The following N4BP2L2 variants were observed in gnomAD, a reference collection of about 807,000 sequenced individuals.
N4BP2L2 encodes NEDD4 binding protein 2 like 2.
N4BP2L2 carries 50 observed loss-of-function variants against 56.2 expected under a neutral mutation model. That is an observed-to-expected ratio of 0.89 (90% CI 0.71 to 1.13). The LOEUF (loss-of-function observed/expected upper bound fraction) is 1.13. Ranked by LOEUF, N4BP2L2 falls within the 50% of genes most tolerant of loss-of-function variation. The probability of loss-of-function intolerance (pLI) is 0.00; values close to 1 mark genes in which losing one functional copy is unlikely to be tolerated. For missense variants in N4BP2L2, 689 were observed against 693.8 expected (o/e 0.99, Z 0.08); for synonymous variants, 203 against 223.6 (o/e 0.91, Z 0.82).
At chr13:32,434,317 C>T (rs1397337458) in intron 9 of N4BP2L2, among the ~76,000 whole-genome samples, 3 of 144,264 alleles carry the variant, frequency 2.1e-5, no homozygotes, top group Non-Finnish European at 4.5e-5. Context: ...AGGCTGGTCT[C>T]GAACTCCTGA....
chr13:32,520,067 C>T (rs1015575781), intron 5 of N4BP2L2, among the ~76,000 whole-genome samples: 2 of 151,984 alleles, frequency 1.3e-5, no homozygotes, highest in Admixed American at 6.6e-5. Context: ...TACATGACCA[C>T]ACAGCATACA....
exon 6 of N4BP2L2, chr13:32,511,837 T>C (rs1346185750): frequency 1.3e-5 from 2 of 151,686 alleles, no homozygotes; most frequent in African/African-American, 4.8e-5. Context: ...AAATATGATT[T>C]CTAAGATTAA....
exon 7 of N4BP2L2, chr13:32,443,160 G>A: frequency 6.2e-7 from 1 of 1,613,832 alleles, no homozygotes; most frequent in Non-Finnish European, 8.5e-7. Context: ...TTGTTTCTAT[G>A]AATGAATCCA....
downstream of N4BP2L2, chr13:32,507,583 T>C (rs1566145039): frequency 6.6e-6 from 1 of 152,038 alleles, no homozygotes; most frequent in Non-Finnish European, 1.5e-5. Flanking sequence ...ACCTAAACAT[T>C]AAGAAAATGC....
intron 3 of N4BP2L2, chr13:32,524,222 T>A (rs545715851): frequency 1.3e-5 from 2 of 152,224 alleles, no homozygotes; most frequent in Non-Finnish European, 2.9e-5. Flanking sequence ...GACACTATCA[T>A]CTCCCACTGC....
At chr13:32,533,386 G>A (rs1183661250) in intron 2 of N4BP2L2, among the ~76,000 whole-genome samples, 1 of 152,054 alleles carries the variant, frequency 6.6e-6, no homozygotes, top group Non-Finnish European at 1.5e-5. Context: ...CAATGTTAGA[G>A]ACATGCTGAT....
chr13:32,514,508 GC>G (rs1256049713), exon 6 of N4BP2L2: 2 of 152,120 alleles, frequency 1.3e-5, no homozygotes, highest in African/African-American at 4.8e-5. Flanking sequence ...GGGCATAGCA[GC>G]AGGGGTCTAT....
chr13:32,495,028 T>C (rs908437758), intron 6 of N4BP2L2, among the ~76,000 whole-genome samples: 1 of 152,146 alleles, frequency 6.6e-6, no homozygotes, highest in Non-Finnish European at 1.5e-5. Context: ...CCAGGAAAGA[T>C]AGAGGGTGTA....
chr13:32,522,154 TA>T lies in N4BP2L2; in HGVS notation c.1473+27del, dbSNP rs764121487. The T allele has an allele frequency of 7.1e-6, 10 of 1,412,672 alleles. No individual in the cohort carries two copies. In the East Asian group the frequency reaches 2.4e-4, roughly 34 times the overall value. The allele number at this position is 1,412,672 out of a possible 1,614,324, so 87.5% of individuals were successfully genotyped here. A position where few individuals can be genotyped will look rare whatever the true frequency, so the allele number is the denominator to read the frequency against. On this transcript the variant is annotated intron_variant, in intron 4 of 5. Transcript: ENST00000267068. ...TGAAAAAATTGACAAGAATAAAAAATAAAAACTTTCTCATGTTTCATATTTA... is the reference window on the plus strand; with the variant it reads ...TGAAAAAATTGACAAGAATAAAAAATAAAACTTTCTCATGTTTCATATTTA...
chr13:32,438,392 A>C (rs1431336760), intron 8 of N4BP2L2, among the ~76,000 whole-genome samples: 1 of 152,216 alleles, frequency 6.6e-6, no homozygotes. Flanking sequence ...AGTTAATCTC[A>C]TAGAAGTAGA....
At chr13:32,535,621 C>T (rs956765427) in intron 2 of N4BP2L2, 148 bp downstream of exon 2, 7 of 752,924 alleles carry the variant, frequency 9.3e-6, no homozygotes, top group Non-Finnish European at 1.5e-5. Context: ...CCAGGCTGGT[C>T]TCAAACTCCT....
At chr13:32,434,477 CTG>C (rs1189431750) in intron 9 of N4BP2L2, among the ~76,000 whole-genome samples, 1 of 152,004 alleles carries the variant, frequency 6.6e-6, no homozygotes, top group African/African-American at 2.4e-5. Context: ...AATTAAGAAA[CTG>C]AGACTCTGAG....
chr13:32,444,893 G>T (rs2076802698), intron 6 of N4BP2L2, among the ~76,000 whole-genome samples: 1 of 152,100 alleles, frequency 6.6e-6, no homozygotes, highest in African/African-American at 2.4e-5. Context: ...AAATTGTACA[G>T]CATGTTACTA....
exon 6 of N4BP2L2, chr13:32,513,820 C>T (rs2139828058): frequency 6.6e-6 from 1 of 152,178 alleles, no homozygotes; most frequent in Middle Eastern, 3.4e-3. Flanking sequence ...TGTCAGAATA[C>T]ATTAAACTTC....
intron 2 of N4BP2L2, among the ~76,000 whole-genome samples, chr13:32,534,810 T>C (rs77746782): frequency 0.01 from 1,534 of 152,318 alleles, 12 homozygotes; most frequent in African/African-American, 0.026. Context: ...ATTTTCTTTT[T>C]CTCCTTGTCC....
At chr13:32,458,994 G>C (rs2079503900) in intron 6 of N4BP2L2, among the ~76,000 whole-genome samples, 1 of 152,144 alleles carries the variant, frequency 6.6e-6, no homozygotes, top group African/African-American at 2.4e-5. Context: ...AGGAACTTTA[G>C]AGACTGTACA....
chr13:32,511,887 A>G (rs1048437166), exon 6 of N4BP2L2: 1 of 152,148 alleles, frequency 6.6e-6, no homozygotes, highest in Non-Finnish European at 1.5e-5. Flanking sequence ...AAGAACCCAC[A>G]ATCCCTTCCT....
chr13:32,477,692 A>T (rs769894178), intron 6 of N4BP2L2: 1 of 373,878 alleles, frequency 2.7e-6, no homozygotes, highest in Non-Finnish European at 4.9e-6. Context: ...TGTTCAGCCT[A>T]TCTGGAAAAA....
chr13:32,495,366 C>T (rs1372467530), intron 6 of N4BP2L2, among the ~76,000 whole-genome samples: 1 of 152,134 alleles, frequency 6.6e-6, no homozygotes, highest in Non-Finnish European at 1.5e-5. Context: ...CCCATAGGTT[C>T]CTTCTCTAGC....
Sources: gnomAD v4.1 joint callset for allele counts (sites outside exome capture counted in the v4.1 genomes callset) on GRCh38, gnomAD v4.1.1 for gene constraint, MANE v1.5 for transcripts, NCBI Gene and HGNC (gene_info 2026-07-23, HGNC 2026-07-21) for gene names.